SHANK2: variants seen among roughly 807,000 people sequenced by gnomAD.
SHANK2 encodes the protein SH3 and multiple ankyrin repeat domains protein 2.
In SHANK2, 43 loss-of-function variants were observed where a neutral mutation model predicts 133.7. That is an observed-to-expected ratio of 0.32 (90% CI 0.25 to 0.41). SHANK2 has a LOEUF of 0.41. SHANK2 is among the 10% of genes least tolerant of loss of function. The pLI is 1.00. For missense variants in SHANK2, 1,994 were observed against 2,235.8 expected, an observed-to-expected ratio of 0.89 and a Z score of 2.18; for synonymous variants, 1,017 against 952.8, an observed-to-expected ratio of 1.07 and a Z score of -1.24.
intron 14 of SHANK2, among the ~76,000 whole-genome samples, chr11:70,709,139 A>G (rs1207817306): frequency 6.6e-6 from 1 of 152,246 alleles, no homozygotes; most frequent in Non-Finnish European, 1.5e-5. Flanking sequence ...TGAGCCTGGG[A>G]GTTTGAGGCT....
chr11:70,523,617 C>T (rs2059357840), intron 17 of SHANK2, among the ~76,000 whole-genome samples: 1 of 152,148 alleles, frequency 6.6e-6, no homozygotes, highest in Non-Finnish European at 1.5e-5. Context: ...TGGTCCTGCC[C>T]CCTCCCTGGC....
intron 14 of SHANK2, among the ~76,000 whole-genome samples, chr11:70,782,044 T>C (rs1365960603): frequency 2.0e-5 from 3 of 152,106 alleles, no homozygotes; most frequent in Admixed American, 6.5e-5. Flanking sequence ...TTCTCACTCA[T>C]AGGTGGGAAT....
intron 17 of SHANK2, among the ~76,000 whole-genome samples, chr11:70,588,448 T>A (rs2060281659): frequency 6.6e-6 from 1 of 152,226 alleles, no homozygotes; most frequent in Non-Finnish European, 1.5e-5. Context: ...AAATTAAAAG[T>A]GTTACTGCAG....
chr11:71,236,875 T>C (rs941811721), intron 1 of SHANK2, among the ~76,000 whole-genome samples: 1 of 152,120 alleles, frequency 6.6e-6, no homozygotes, highest in Non-Finnish European at 1.5e-5. Flanking sequence ...AACAAACAAA[T>C]AAACAAAACC....
At chr11:71,143,539 A>C (rs1454644176) in intron 3 of SHANK2, among the ~76,000 whole-genome samples, 1 of 152,170 alleles carries the variant, frequency 6.6e-6, no homozygotes, top group African/African-American at 2.4e-5. Context: ...ATGGAATGTC[A>C]TTCTCACATT....
chr11:71,069,218 A>G (rs1352276001), intron 9 of SHANK2, among the ~76,000 whole-genome samples: 1 of 151,238 alleles, frequency 6.6e-6, no homozygotes, highest in East Asian at 2.0e-4. Context: ...CATCACTGTC[A>G]CCATGACCAC....
At chr11:70,663,096 G>T (rs114109642) in intron 15 of SHANK2, among the ~76,000 whole-genome samples, 1 of 152,136 alleles carries the variant, frequency 6.6e-6, no homozygotes, top group African/African-American at 2.4e-5. Context: ...CCAGGCCAGC[G>T]GCCCAGCCGG....
chr11:71,162,047 C>T (rs1953030770), intron 2 of SHANK2, among the ~76,000 whole-genome samples: 1 of 152,198 alleles, frequency 6.6e-6, no homozygotes, highest in African/African-American at 2.4e-5. Context: ...GTAGCATTTT[C>T]TGCTTTTTGT....
intron 18 of SHANK2, 63 bp downstream of exon 18, chr11:70,502,733 C>CGGGGGGGG: frequency 1.6e-6 from 1 of 606,720 alleles, no homozygotes; most frequent in Non-Finnish European, 2.5e-6. Flanking sequence ...GCTGTCCTGC[C>CGGGGGGGG]CGCCCCCACC....
intron 8 of SHANK2, 86 bp downstream of exon 8, chr11:71,092,336 T>G: frequency 6.9e-7 from 1 of 1,450,754 alleles, no homozygotes; most frequent in South Asian, 1.2e-5. Flanking sequence ...ATCTAACCTT[T>G]GGGCCACCCT....
intron 6 of SHANK2, among the ~76,000 whole-genome samples, chr11:71,107,836 G>T (rs1555098221): frequency 6.6e-6 from 1 of 152,204 alleles, no homozygotes; most frequent in East Asian, 1.9e-4. Context: ...AAGCCAGGGG[G>T]AGGCTTGGCT....
intron 14 of SHANK2, among the ~76,000 whole-genome samples, chr11:70,721,743 T>C (rs782112648): frequency 6.6e-6 from 1 of 152,194 alleles, no homozygotes; most frequent in Non-Finnish European, 1.5e-5. Context: ...CTTCCAAAGG[T>C]CCCACCCAAC....
rs1243645870 is a variant in SHANK2, at chr11:71,067,459, GT to G, written c.1029+7699del. On this transcript the variant is annotated intron_variant, in intron 9 of 25. Coordinates refer to ENST00000601538, the MANE Select transcript of SHANK2 (RefSeq NM_012309.5). Reference sequence around the variant, plus strand: ...GGAGCTCTTGGAGAGCCAGGATGAGGTGAGGGGTTGACAGATTAGACACAAT... The same window carrying G: ...GGAGCTCTTGGAGAGCCAGGATGAGGGAGGGGTTGACAGATTAGACACAAT... 3.9e-5 allele frequency among the ~76,000 whole-genome samples: 6 copies of G among 152,186 alleles called. No homozygotes were observed. In the East Asian group the frequency reaches 1.2e-3, roughly 29 times the overall value.
intron 11 of SHANK2, among the ~76,000 whole-genome samples, chr11:70,854,906 T>C (rs1949144890): frequency 6.6e-6 from 1 of 152,064 alleles, no homozygotes; most frequent in Non-Finnish European, 1.5e-5. Context: ...ACGCAGGGAG[T>C]GAACAGCAAG....
intron 11 of SHANK2, chr11:70,863,324 C>T (rs1555068203): frequency 2.2e-6 from 1 of 458,218 alleles, no homozygotes; most frequent in East Asian, 7.0e-5. Flanking sequence ...GGCACAACTG[C>T]CCAGTGCCCA....
chr11:70,762,559 C>G (rs1305150455), intron 14 of SHANK2, among the ~76,000 whole-genome samples: 1 of 152,178 alleles, frequency 6.6e-6, no homozygotes, highest in African/African-American at 2.4e-5. Flanking sequence ...GGTGCTGCCC[C>G]TCCAGTCTAA....
intron 8 of SHANK2, among the ~76,000 whole-genome samples, chr11:71,076,404 G>A (rs1241366914): frequency 6.6e-6 from 1 of 151,544 alleles, no homozygotes; most frequent in African/African-American, 2.4e-5. Context: ...CAGGGTCCAC[G>A]AGAAAGAGCT....
intron 6 of SHANK2, among the ~76,000 whole-genome samples, chr11:71,098,167 A>G (rs1254434736): frequency 2.8e-5 from 4 of 140,490 alleles, no homozygotes; most frequent in African/African-American, 1.1e-4. Context: ...GTGCATGTGC[A>G]TGCCTGTGTG....
At chr11:70,681,199 G>T (rs964384899) in intron 15 of SHANK2, among the ~76,000 whole-genome samples, 1 of 152,120 alleles carries the variant, frequency 6.6e-6, no homozygotes, top group African/African-American at 2.4e-5. Context: ...CAAGTCCCCC[G>T]TTCTCTCTCT....
Sources: allele counts gnomAD v4.1 joint callset (sites outside exome capture counted in the v4.1 genomes callset), GRCh38; gene constraint gnomAD v4.1.1; transcripts MANE v1.5; gene names NCBI Gene and HGNC (gene_info 2026-07-23, HGNC 2026-07-21).